Variants in ZFP64 observed in about 807,000 individuals in gnomAD.
ZFP64 encodes ZFP64 zinc finger protein.
ZFP64 carries 14 observed loss-of-function variants against 51.6 expected under a neutral mutation model. The observed-to-expected ratio is 0.27, with a 90% CI of 0.18 to 0.42. The LOEUF is 0.42. ZFP64 is among the 10% of genes least tolerant of loss of function. The pLI is 1.00. For synonymous variants in ZFP64, 375 were observed against 361.4 expected (o/e 1.04, Z -0.43); for missense variants, 754 against 906.8 (o/e 0.83, Z 2.16).
intron 5 of ZFP64, among the ~76,000 whole-genome samples, chr20:52,112,186 T>C (rs1978632946): frequency 6.6e-6 from 1 of 152,186 alleles, no homozygotes; most frequent in Non-Finnish European, 1.5e-5. Context: ...GTCCCATTTT[T>C]CTCATTAATA....
intron 5 of ZFP64, among the ~76,000 whole-genome samples, chr20:52,108,901 CACAA>C (rs1311213108): frequency 6.8e-6 from 1 of 147,316 alleles, no homozygotes; most frequent in Non-Finnish European, 1.5e-5. Context: ...CACACACACA[CACAA>C]ACTTACAGGG....
chr20:52,185,268 C>T (rs1465905226), intron 2 of ZFP64, among the ~76,000 whole-genome samples: 1 of 152,208 alleles, frequency 6.6e-6, no homozygotes, highest in Admixed American at 6.5e-5. Context: ...AGGTGATCCA[C>T]CCGCCTCGGC....
intron 2 of ZFP64, among the ~76,000 whole-genome samples, chr20:52,185,115 C>T (rs1357539565): frequency 6.6e-6 from 1 of 152,192 alleles, no homozygotes; most frequent in African/African-American, 2.4e-5. Context: ...CCTCTGCCTC[C>T]CAGGTCCAAG....
intron 3 of ZFP64, chr20:52,165,570 T>C (rs1457465773): frequency 3.4e-6 from 2 of 580,230 alleles, no homozygotes; most frequent in East Asian, 4.0e-5. Context: ...AAATTCTTAC[T>C]GGATATCTTC....
intron 5 of ZFP64, among the ~76,000 whole-genome samples, chr20:52,114,596 C>T (rs374266056): frequency 5.3e-5 from 8 of 152,316 alleles, no homozygotes; most frequent in Admixed American, 1.3e-4. Context: ...TTAAAACACT[C>T]AGAACATCTA....
chr20:52,114,964 G>A (rs767105160), intron 5 of ZFP64, among the ~76,000 whole-genome samples: 8 of 152,084 alleles, frequency 5.3e-5, no homozygotes, highest in African/African-American at 7.2e-5. Flanking sequence ...TTGGGAGGCC[G>A]AGGCAGGCAG....
intron 7 of ZFP64, among the ~76,000 whole-genome samples, chr20:52,096,312 G>A (rs2091868608): frequency 6.6e-6 from 1 of 152,180 alleles, no homozygotes; most frequent in African/African-American, 2.4e-5. Flanking sequence ...GCATGCCATG[G>A]GCTCCCTGGC....
Position 52,152,267 on chromosome 20 carries a change from G to A in ZFP64, c.1925C>T (p.Thr642Ile). Residue 642 changes from threonine (T) to isoleucine (I), a missense_variant, in exon 6 of 6, where the codon ACC (threonine) becomes ATC (isoleucine). Thr to Ile is a moderately conservative substitution (Grantham distance 89). This residue lies in a region of ZFP64 where 428 missense variants were observed against 472.4 expected (regional missense o/e 0.91). Transcript: ENST00000216923. The part of the protein sequence containing the change: ...SDGGQNIAVA[T>I]TAPPVFSSSS... The stretch of plus-strand genomic sequence containing the variant: ...GGAGGAGAAGACCGGTGGCGCTGTG[G>A]TGGCCACTGCGATGTTCTGGCCTCC... The A allele has an allele frequency of 6.2e-7, 1 of 1,614,082 alleles. No homozygotes were observed. Among genetic ancestry groups the A allele is most frequent in the Non-Finnish European group, 8.5e-7 (1 of 1,180,022 alleles).
intron 2 of ZFP64, among the ~76,000 whole-genome samples, chr20:52,166,548 A>G (rs1982290836): frequency 6.6e-6 from 1 of 151,478 alleles, no homozygotes; most frequent in South Asian, 2.1e-4. Context: ...TTGACCTTCC[A>G]GGCTGGAGCA....
intron 7 of ZFP64, among the ~76,000 whole-genome samples, chr20:52,096,604 G>T (rs1040964478): frequency 6.6e-6 from 1 of 152,176 alleles, no homozygotes; most frequent in Non-Finnish European, 1.5e-5. Context: ...AGTATTTTAG[G>T]CAGGATGGGC....
At chr20:52,172,039 G>T (rs529776877) in intron 2 of ZFP64, among the ~76,000 whole-genome samples, 1 of 152,264 alleles carries the variant, frequency 6.6e-6, no homozygotes, top group East Asian at 1.9e-4. Context: ...GAGCCACCGC[G>T]CCCGACCAAC....
intron 5 of ZFP64, among the ~76,000 whole-genome samples, chr20:52,104,008 G>A (rs1450797962): frequency 6.6e-6 from 1 of 152,240 alleles, no homozygotes; most frequent in African/African-American, 2.4e-5. Flanking sequence ...AGCCGCCCCG[G>A]AGAGGGGACC....
intron 5 of ZFP64, among the ~76,000 whole-genome samples, chr20:52,119,531 A>ATATATATATAT (rs1458557217): frequency 4.6e-5 from 3 of 65,188 alleles, no homozygotes; most frequent in African/African-American, 1.8e-4. Context: ...AAAAAAAAAA[A>ATATATATATAT]AAATATATAT....
At chr20:52,178,431 A>G (rs1600811275) in intron 2 of ZFP64, among the ~76,000 whole-genome samples, 1 of 152,284 alleles carries the variant, frequency 6.6e-6, no homozygotes, top group East Asian at 1.9e-4. Context: ...ACAAAAAACT[A>G]CTTTATATAG....
chr20:52,136,096 CA>C (rs71192597), intron 5 of ZFP64, among the ~76,000 whole-genome samples: 220 of 38,014 alleles, frequency 5.8e-3, no homozygotes, highest in African/African-American at 0.019. Flanking sequence ...GAGACTCTCT[CA>C]AAAAAAAAAA....
chr20:52,171,705 T>G (rs1964133), intron 2 of ZFP64, among the ~76,000 whole-genome samples: 82,181 of 150,318 alleles, frequency 0.55, 22,744 homozygotes, highest in Admixed American at 0.63. Context: ...GGCCAGGCTG[T>G]TCTCAAACTT....
chr20:52,146,110 C>A (rs929652444), intron 5 of ZFP64, among the ~76,000 whole-genome samples: 2 of 151,640 alleles, frequency 1.3e-5, no homozygotes, highest in Non-Finnish European at 2.9e-5. Context: ...CAAACATGCG[C>A]ATTAGCCTCA....
At chr20:52,116,415 C>T (rs1230843307) in intron 5 of ZFP64, among the ~76,000 whole-genome samples, 4 of 150,732 alleles carry the variant, frequency 2.7e-5, no homozygotes, top group Non-Finnish European at 5.9e-5. Flanking sequence ...GGATTACAGG[C>T]GTGAGCCACT....
chr20:52,110,913 G>A (rs1224547332), intron 5 of ZFP64: 2 of 1,603,310 alleles, frequency 1.2e-6, no homozygotes, highest in African/African-American at 2.7e-5. Flanking sequence ...CAAGACGCCT[G>A]AACTCATCCT....
Sources: gnomAD v4.1 joint callset for allele counts (sites outside exome capture counted in the v4.1 genomes callset) on GRCh38, gnomAD v4.1.1 for gene constraint, gnomAD v4.1.1 regional missense constraint, MANE v1.5 for transcripts, NCBI Gene and HGNC (gene_info 2026-07-23, HGNC 2026-07-21) for gene names.